Variants in PALLD observed in about 807,000 individuals in gnomAD.
The protein encoded by PALLD is palladin.
A neutral mutation model predicts 123.5 loss-of-function variants in PALLD; 61 were observed. The observed-to-expected ratio is 0.49, with a 90% CI of 0.40 to 0.61. The LOEUF is 0.61. PALLD is among the 20% of genes least tolerant of loss of function. The pLI, the probability that PALLD is intolerant of heterozygous loss-of-function variation, is 0.00. For synonymous variants in PALLD, 465 were observed against 496.4 expected, an observed-to-expected ratio of 0.94 and a Z score of 0.84; for missense variants, 1,273 against 1,377.0, an observed-to-expected ratio of 0.92 and a Z score of 1.20.
rs148505912 is a variant in PALLD, at chr4:168,516,713, G to C, written c.908+4301G>C. Among the ~76,000 whole-genome samples, 658 of 152,260 alleles carry C rather than the reference G, an allele frequency of 4.3e-3. 12 individuals carry two copies. Among genetic ancestry groups the C allele is most frequent in the Admixed American group, 0.02 (304 of 15,298 alleles). On this transcript the variant is annotated intron_variant, in intron 2 of 21. Transcript: ENST00000505667. ...CTTAGCCACTGTCACTGTGGAGTTA[G>C]AAGTTATGCATAGCTTACTGAAAGC...
At chr4:168,884,638 C>G (rs1208293697) in intron 10 of PALLD, among the ~76,000 whole-genome samples, 1 of 152,186 alleles carries the variant, frequency 6.6e-6, no homozygotes, top group Non-Finnish European at 1.5e-5. Context: ...ATTTTTCTAA[C>G]TATTGTGACC....
At chr4:168,630,014 C>T (rs1168926476) in intron 2 of PALLD, among the ~76,000 whole-genome samples, 2 of 152,224 alleles carry the variant, frequency 1.3e-5, no homozygotes, top group African/African-American at 2.4e-5. Flanking sequence ...GGAGGGGCTT[C>T]TTCAGATTTC....
intron 2 of PALLD, among the ~76,000 whole-genome samples, chr4:168,639,461 A>C (rs1394568723): frequency 6.6e-6 from 1 of 152,206 alleles, no homozygotes; most frequent in Non-Finnish European, 1.5e-5. Flanking sequence ...GATTGGACTC[A>C]GACCATGAAT....
At chr4:168,639,545 T>A (rs1198837005) in intron 2 of PALLD, among the ~76,000 whole-genome samples, 1 of 131,664 alleles carries the variant, frequency 7.6e-6, no homozygotes. Flanking sequence ...GCCATTCAAC[T>A]TTTTTTTTTT....
intron 2 of PALLD, among the ~76,000 whole-genome samples, chr4:168,513,933 C>G (rs941582260): frequency 1.3e-5 from 2 of 151,934 alleles, no homozygotes; most frequent in Admixed American, 1.3e-4. Context: ...GGTGAAACCC[C>G]CTCTCTACTA....
chr4:168,705,558 T>G (rs1784145153), intron 8 of PALLD, among the ~76,000 whole-genome samples: 2 of 152,238 alleles, frequency 1.3e-5, no homozygotes, highest in South Asian at 4.1e-4. Context: ...GTAGAATGTT[T>G]GAGCAACTTC....
At chr4:168,569,522 G>A (rs1406717713) in intron 2 of PALLD, among the ~76,000 whole-genome samples, 2 of 152,158 alleles carry the variant, frequency 1.3e-5, no homozygotes, top group Admixed American at 6.5e-5. Flanking sequence ...ACTTGCATAT[G>A]TTGTGGTATT....
intron 10 of PALLD, among the ~76,000 whole-genome samples, chr4:168,842,544 G>C (rs971323289): frequency 6.6e-6 from 1 of 152,206 alleles, no homozygotes; most frequent in Non-Finnish European, 1.5e-5. Flanking sequence ...GAAAATGGCT[G>C]TCACTCCAAG....
At chr4:168,766,092 C>T (rs1733624649) in intron 10 of PALLD, among the ~76,000 whole-genome samples, 1 of 152,226 alleles carries the variant, frequency 6.6e-6, no homozygotes, top group South Asian at 2.1e-4. Context: ...GGAAGATTTT[C>T]TTCCCCACCC....
At position 168,849,225 on chromosome 4, in the gene PALLD, G is replaced by C. The variant is rs1019956112; in HGVS notation, c.1965-41697G>C. Among the ~76,000 whole-genome samples, 7 of 152,360 alleles carry C rather than the reference G, an allele frequency of 4.6e-5. No homozygotes were observed. In the East Asian group the frequency reaches 1.2e-3, roughly 25 times the overall value. The stretch of plus-strand genomic sequence containing the variant: ...GAAGAGATAAGCTGCCCCTTAGGGA[G>C]CTGATTGTAATGCGTTCCAGACGTC... On this transcript the variant is annotated intron_variant, in intron 10 of 21. Transcript: ENST00000505667.
intron 10 of PALLD, among the ~76,000 whole-genome samples, chr4:168,865,440 A>G (rs1560817920): frequency 6.6e-6 from 1 of 152,198 alleles, no homozygotes; most frequent in African/African-American, 2.4e-5. Flanking sequence ...GGCCATTAGC[A>G]TTTAAACTAT....
intron 19 of PALLD, 66 bp downstream of exon 19, chr4:168,924,486 T>TCA: frequency 7.2e-7 from 1 of 1,389,962 alleles, no homozygotes; most frequent in Non-Finnish European, 1.0e-6. Flanking sequence ...AAAAGATACA[T>TCA]TTTATATAGC....
chr4:168,661,279 C>T (rs1387762014), intron 2 of PALLD, among the ~76,000 whole-genome samples: 1 of 152,132 alleles, frequency 6.6e-6, no homozygotes, highest in Non-Finnish European at 1.5e-5. Context: ...TTCCTTATGT[C>T]TACAATTGGA....
intron 10 of PALLD, among the ~76,000 whole-genome samples, chr4:168,765,198 C>T (rs1581359851): frequency 6.6e-6 from 1 of 151,878 alleles, no homozygotes; most frequent in African/African-American, 2.4e-5. Flanking sequence ...ATCACATATG[C>T]AAAACATACA....
intron 10 of PALLD, among the ~76,000 whole-genome samples, chr4:168,741,422 TC>T (rs1450324469): frequency 6.6e-6 from 1 of 151,986 alleles, no homozygotes; most frequent in Non-Finnish European, 1.5e-5. Flanking sequence ...ACGCCTATAA[TC>T]CCAGCACTTT....
intron 10 of PALLD, among the ~76,000 whole-genome samples, chr4:168,792,401 C>A (rs1179945433): frequency 6.6e-6 from 1 of 152,106 alleles, no homozygotes; most frequent in Non-Finnish European, 1.5e-5. Flanking sequence ...GGGAATATTG[C>A]CAAGTAAAAG....
intron 10 of PALLD, among the ~76,000 whole-genome samples, chr4:168,732,190 G>T (rs1013658584): frequency 6.6e-6 from 1 of 152,158 alleles, no homozygotes. Context: ...TGTAGCGTTG[G>T]ACAAATCCCT....
At chr4:168,766,273 T>C (rs1383671419) in intron 10 of PALLD, among the ~76,000 whole-genome samples, 1 of 152,274 alleles carries the variant, frequency 6.6e-6, no homozygotes, top group Non-Finnish European at 1.5e-5. Context: ...TTCCTAGACT[T>C]CTGGGCAGCT....
chr4:168,602,131 A>G (rs1293217123), intron 2 of PALLD, among the ~76,000 whole-genome samples: 1 of 152,222 alleles, frequency 6.6e-6, no homozygotes, highest in Non-Finnish European at 1.5e-5. Flanking sequence ...GTGCAGGGTC[A>G]CAAGGTCCAA....
Sources: gnomAD v4.1 joint callset for allele counts (sites outside exome capture counted in the v4.1 genomes callset) on GRCh38, gnomAD v4.1.1 for gene constraint, MANE v1.5 for transcripts, NCBI Gene and HGNC (gene_info 2026-07-23, HGNC 2026-07-21) for gene names.